OSBPL10: variants seen among roughly 807,000 people sequenced by gnomAD.
OSBPL10 encodes oxysterol binding protein like 10.
OSBPL10 carries 49 observed loss-of-function variants against 81.7 expected under a neutral mutation model. The ratio of observed to expected loss-of-function variants is 0.60; its 90% CI spans 0.48 to 0.76. The LOEUF is 0.76. Among genes scored for constraint, OSBPL10 ranks in the 30% least tolerant of loss-of-function variants. The pLI is 0.00. For missense variants in OSBPL10, 923 were observed against 987.8 expected, an observed-to-expected ratio of 0.93 and a Z score of 0.88; for synonymous variants, 419 against 383.6, an observed-to-expected ratio of 1.09 and a Z score of -1.08.
intron 1 of OSBPL10, among the ~76,000 whole-genome samples, chr3:31,921,463 G>A (rs1216035116): frequency 1.3e-5 from 2 of 152,128 alleles, no homozygotes; most frequent in African/African-American, 4.8e-5. Flanking sequence ...ACAATGATGG[G>A]GGTATGTCAA....
At chr3:31,837,644 T>C (rs1215703287) in intron 3 of OSBPL10, among the ~76,000 whole-genome samples, 1 of 64,916 alleles carries the variant, frequency 1.5e-5, no homozygotes, top group Non-Finnish European at 3.4e-5. Flanking sequence ...GTGACTGTTT[T>C]ATTTCAAAAA....
At chr3:31,734,506 G>A (rs1392443108) in intron 5 of OSBPL10, among the ~76,000 whole-genome samples, 1 of 152,140 alleles carries the variant, frequency 6.6e-6, no homozygotes, top group African/African-American at 2.4e-5. Context: ...GGGAGGCTGA[G>A]GCAGAAGGAT....
intron 1 of OSBPL10, among the ~76,000 whole-genome samples, chr3:32,073,398 T>C (rs1355962607): frequency 6.6e-6 from 1 of 152,262 alleles, no homozygotes; most frequent in East Asian, 1.9e-4. Flanking sequence ...CTTAGTCATC[T>C]ATAGTACTCC....
chr3:31,697,767 C>T (rs1695769888), intron 7 of OSBPL10, among the ~76,000 whole-genome samples: 1 of 151,538 alleles, frequency 6.6e-6, no homozygotes, highest in Non-Finnish European at 1.5e-5. Flanking sequence ...TAGCTTCCTC[C>T]TCTTTTTTTT....
intron 3 of OSBPL10, among the ~76,000 whole-genome samples, chr3:31,875,481 T>C (rs563175794): frequency 6.6e-6 from 1 of 151,602 alleles, no homozygotes; most frequent in Admixed American, 6.6e-5. Context: ...AGATTCGGCT[T>C]AGGGCAAGTT....
At chr3:31,944,305 T>A (rs1294390280) in intron 1 of OSBPL10, among the ~76,000 whole-genome samples, 1 of 152,154 alleles carries the variant, frequency 6.6e-6, no homozygotes, top group African/African-American at 2.4e-5. Context: ...GCAGCTTTTT[T>A]AAATGTAAAA....
At chr3:31,671,488 C>T (rs993209075) in intron 8 of OSBPL10, among the ~76,000 whole-genome samples, 1 of 152,072 alleles carries the variant, frequency 6.6e-6, no homozygotes, top group African/African-American at 2.4e-5. Flanking sequence ...TGGAGGATGA[C>T]CAAGTCAGCA....
At position 31,974,058 on chromosome 3, in the gene OSBPL10, C is replaced by T. The variant is rs376963801; in HGVS notation, c.281+6841G>A. Among the ~76,000 whole-genome samples, 6 of 152,200 alleles carry T rather than the reference C, an allele frequency of 3.9e-5. No individual in the cohort carries two copies. The East Asian group carries it at 9.7e-4, about 25-fold the overall frequency. On this transcript the variant is annotated intron_variant, in intron 1 of 11. Transcript: ENST00000396556. ...ACAGGCATCCAGCAAAGGGCGCATA[C>T]CCAGAATATATAAACATCTCGTAAA...
At chr3:32,031,330 T>G (rs1310384980) in intron 2 of OSBPL10, among the ~76,000 whole-genome samples, 2 of 152,142 alleles carry the variant, frequency 1.3e-5, no homozygotes, top group Non-Finnish European at 2.9e-5. Flanking sequence ...TCAAGGTCAC[T>G]GGTATTTAAA....
At chr3:32,026,271 G>A (rs546242185) in intron 2 of OSBPL10, among the ~76,000 whole-genome samples, 2 of 152,132 alleles carry the variant, frequency 1.3e-5, no homozygotes, top group African/African-American at 4.8e-5. Flanking sequence ...CAAGTAGCTA[G>A]GACTACAGAC....
intron 2 of OSBPL10, among the ~76,000 whole-genome samples, chr3:31,996,220 A>C (rs1019752153): frequency 6.6e-6 from 1 of 152,228 alleles, no homozygotes; most frequent in African/African-American, 2.4e-5. Flanking sequence ...TTCTAGAGAC[A>C]TAAAAGGGGG....
intron 1 of OSBPL10, among the ~76,000 whole-genome samples, chr3:32,071,469 T>C (rs1575096445): frequency 6.6e-6 from 1 of 152,322 alleles, no homozygotes; most frequent in East Asian, 1.9e-4. Flanking sequence ...CCAACCCTTT[T>C]CATTACACAC....
chr3:31,957,825 G>C (rs1458278975), intron 1 of OSBPL10, among the ~76,000 whole-genome samples: 2 of 152,246 alleles, frequency 1.3e-5, no homozygotes, highest in Admixed American at 1.3e-4. Context: ...ATTTTTAGTA[G>C]AGGGGGGGTT....
intron 1 of OSBPL10, among the ~76,000 whole-genome samples, chr3:31,925,250 C>T (rs1172805214): frequency 6.6e-6 from 1 of 152,036 alleles, no homozygotes; most frequent in Non-Finnish European, 1.5e-5. Flanking sequence ...TTTTAGTTGG[C>T]TCCTAGGCTG....
chr3:31,783,423 G>A (rs1239184881), intron 4 of OSBPL10, among the ~76,000 whole-genome samples: 1 of 151,874 alleles, frequency 6.6e-6, no homozygotes, highest in Non-Finnish European at 1.5e-5. Flanking sequence ...CTCAGGTGAT[G>A]CGTGTACCAG....
chr3:31,856,334 T>C (rs995554450), intron 3 of OSBPL10, among the ~76,000 whole-genome samples: 7 of 152,212 alleles, frequency 4.6e-5, no homozygotes, highest in Admixed American at 1.3e-4. Flanking sequence ...TTTGATGGTA[T>C]GTTTAGGAGG....
intron 1 of OSBPL10, among the ~76,000 whole-genome samples, chr3:32,076,446 C>G (rs1033565441): frequency 1.3e-5 from 2 of 151,962 alleles, no homozygotes; most frequent in Non-Finnish European, 2.9e-5. Flanking sequence ...GTGAAATAAA[C>G]AGCCTCGTTG....
intron 2 of OSBPL10, among the ~76,000 whole-genome samples, chr3:32,005,973 C>A (rs1699202246): frequency 6.6e-6 from 1 of 151,498 alleles, no homozygotes; most frequent in South Asian, 2.1e-4. Flanking sequence ...GAGACAGAGT[C>A]TTGCTCTGTC....
intron 4 of OSBPL10, among the ~76,000 whole-genome samples, chr3:31,792,267 T>C (rs976399227): frequency 6.6e-6 from 1 of 151,868 alleles, no homozygotes; most frequent in African/African-American, 2.4e-5. Context: ...CGTAATAATC[T>C]GGCAAGTCAA....
Sources: gnomAD v4.1 joint callset for allele counts (sites outside exome capture counted in the v4.1 genomes callset) on GRCh38, gnomAD v4.1.1 for gene constraint, MANE v1.5 for transcripts, NCBI Gene and HGNC (gene_info 2026-07-23, HGNC 2026-07-21) for gene names.